Variants in ERI3 observed in about 807,000 individuals in gnomAD.
ERI3 encodes ERI1 exoribonuclease family member 3.
A neutral mutation model predicts 44.4 loss-of-function variants in ERI3; 18 were observed. The observed-to-expected ratio is 0.41, with a 90% confidence interval of 0.28 to 0.60. The LOEUF (loss-of-function observed/expected upper bound fraction) is 0.60. ERI3 is among the 20% of genes least tolerant of loss of function. The pLI is 0.36. For missense variants in ERI3, 294 were observed against 435.5 expected, an observed-to-expected ratio of 0.68 and a Z score of 2.89; for synonymous variants, 183 against 164.8, an observed-to-expected ratio of 1.11 and a Z score of -0.84.
chr1:44,268,271 G>GACTTCACGGT (rs11281522), intron 7 of ERI3, among the ~76,000 whole-genome samples: 2 of 151,900 alleles, frequency 1.3e-5, no homozygotes, highest in African/African-American at 4.8e-5. Context: ...CAACCCATAG[G>GACTTCACGGT]GTGACTGGTG....
intron 3 of ERI3, among the ~76,000 whole-genome samples, chr1:44,330,605 C>A (rs1175467117): frequency 6.6e-6 from 1 of 152,208 alleles, no homozygotes; most frequent in Non-Finnish European, 1.5e-5. Flanking sequence ...CCTGTGCCAG[C>A]CTGTTCACCC....
chr1:44,342,653 G>GT (rs558346904), intron 2 of ERI3, among the ~76,000 whole-genome samples: 11,676 of 143,360 alleles, frequency 0.081, 593 homozygotes, highest in Non-Finnish European at 0.13. Flanking sequence ...TTGCCTTCTT[G>GT]TTTTTTTTTT....
intron 6 of ERI3, among the ~76,000 whole-genome samples, chr1:44,304,185 C>T (rs941158059): frequency 6.6e-5 from 10 of 151,896 alleles, no homozygotes; most frequent in Non-Finnish European, 8.8e-5. Context: ...GCAGGTGTGG[C>T]GTTTAGGTGG....
intron 2 of ERI3, among the ~76,000 whole-genome samples, chr1:44,339,649 T>C (rs1160684262): frequency 1.3e-5 from 2 of 152,146 alleles, no homozygotes; most frequent in African/African-American, 2.4e-5. Context: ...AGAGAAAAAT[T>C]GTGCAGTCAC....
chr1:44,255,765 AG>A (rs1464494866), intron 7 of ERI3, among the ~76,000 whole-genome samples: 1 of 152,172 alleles, frequency 6.6e-6, no homozygotes. Context: ...CTGGTCTACC[AG>A]GCCAGAAATG....
rs367904598 is a variant in ERI3, at chr1:44,333,113, T to C, written c.489+5932A>G. On this transcript the variant is annotated intron_variant, in intron 3 of 8. Transcript: ENST00000372257. ...TAACTCAGCCCCCTCAAGCATTTTG[T>C]GCTCTGCTTATGGTGTTAACTTTAA... Among the ~76,000 whole-genome samples, 91 of 152,332 alleles carry C rather than the reference T, an allele frequency of 6.0e-4. 4 individuals are homozygous for C. In the East Asian group the frequency reaches 9.2e-3, roughly 15 times the overall value.
At chr1:44,259,723 C>CACACACACACACACACAA (rs1394413620) in intron 7 of ERI3, among the ~76,000 whole-genome samples, 2 of 147,478 alleles carry the variant, frequency 1.4e-5, no homozygotes, top group Admixed American at 1.4e-4. Context: ...CACACACACA[C>CACACACACACACACACAA]AAATTAGCCA....
chr1:44,250,300 C>T (rs1644649840), intron 7 of ERI3, among the ~76,000 whole-genome samples: 1 of 152,248 alleles, frequency 6.6e-6, no homozygotes, highest in African/African-American at 2.4e-5. Context: ...GACAGGGCAG[C>T]TCAACGTTAT....
chr1:44,251,971 G>A (rs1243889194), intron 7 of ERI3, among the ~76,000 whole-genome samples: 1 of 152,194 alleles, frequency 6.6e-6, no homozygotes, highest in African/African-American at 2.4e-5. Flanking sequence ...CTCTCCAAGA[G>A]CTTGTGCCCG....
chr1:44,348,291 A>G (rs1646824879), intron 2 of ERI3, among the ~76,000 whole-genome samples: 2 of 152,162 alleles, frequency 1.3e-5, no homozygotes, highest in South Asian at 4.1e-4. Flanking sequence ...TTGGTGCCGG[A>G]ATACCATTAA....
intron 7 of ERI3, among the ~76,000 whole-genome samples, chr1:44,269,040 C>A (rs1224633512): frequency 1.3e-5 from 2 of 152,188 alleles, no homozygotes; most frequent in Non-Finnish European, 2.9e-5. Flanking sequence ...CTTCCCTGGA[C>A]CCTCAACTTC....
chr1:44,352,405 CATAG>C (rs71742610), intron 2 of ERI3, among the ~76,000 whole-genome samples: 12,935 of 147,362 alleles, frequency 0.088, 613 homozygotes, highest in East Asian at 0.14. Flanking sequence ...AGCAAGGTCT[CATAG>C]ATAGATAGAT....
At chr1:44,232,259 G>A (rs1349490239) in intron 8 of ERI3, among the ~76,000 whole-genome samples, 1 of 152,220 alleles carries the variant, frequency 6.6e-6, no homozygotes, top group South Asian at 2.1e-4. Context: ...GAGGCAGGCC[G>A]AAGGACAAAG....
rs373949055 is a variant in ERI3 at position 44,249,207 on chromosome 1, G to GT, written c.832-1170dup. On this transcript the variant is annotated intron_variant, in intron 7 of 8. Transcript: ENST00000372257. ...CAAACACCAGGCTGCCCTTCTACCA[G>GT]TGGCAGGACAGCGTACAGGGCAGTG... Among the ~76,000 whole-genome samples the GT allele has an allele frequency of 3.6e-3, 542 of 152,298 alleles. 1 individual carries two copies. The highest frequency in any genetic ancestry group is 0.012 in the African/African-American group (510 of 41,568).
At chr1:44,276,553 T>C (rs1012713987) in intron 7 of ERI3, among the ~76,000 whole-genome samples, 1 of 152,204 alleles carries the variant, frequency 6.6e-6, no homozygotes, top group Non-Finnish European at 1.5e-5. Flanking sequence ...TGGCCATACC[T>C]TGGAATCTGC....
rs552578557 is a variant in ERI3, at chr1:44,342,389, A to C, written c.212-3067T>G. 2.6e-5 allele frequency among the ~76,000 whole-genome samples: 4 copies of C among 152,278 alleles called. No homozygotes were observed. The South Asian group carries it at 8.3e-4, about 32-fold the overall frequency. ...ACTGATCAAAGAAGTGCATATATTA[A>C]GCATAATGGGACCCAGGTTTCTCAC... is the stretch of plus-strand genomic sequence containing the variant. On this transcript the variant is annotated intron_variant, in intron 2 of 8. Transcript: ENST00000372257.
chr1:44,296,611 A>G (rs758825222), intron 6 of ERI3, among the ~76,000 whole-genome samples: 5 of 152,164 alleles, frequency 3.3e-5, no homozygotes, highest in Non-Finnish European at 7.3e-5. Flanking sequence ...CTAAAACCCA[A>G]AACTACTGGC....
chr1:44,305,196 C>A (rs914240287), intron 6 of ERI3, among the ~76,000 whole-genome samples: 1 of 152,202 alleles, frequency 6.6e-6, no homozygotes. Context: ...GGTTCTCAGC[C>A]GTGCTGTGCT....
chr1:44,354,939 T>C lies in ERI3; in HGVS notation c.88A>G (p.Thr30Ala), dbSNP rs752871766. Residue 30 changes from threonine to alanine, a missense_variant, in exon 1 of 9, where the codon ACT becomes GCT. By Grantham distance (58) the Thr-to-Ala change is moderately conservative. Transcript: ENST00000372257. ...LVSWPPAPPL[T>A]LPWTWMGPSW... ...GGGCCCATCCAAGTCCAGGGGAGAG[T>C]AAGGGGAGGGGCGGGGGGCCAGGAG... 5 of 1,332,492 alleles carry C rather than the reference T, an allele frequency of 3.8e-6. No homozygotes were observed. The highest frequency in any genetic ancestry group is 2.6e-5 in the South Asian group (1 of 37,998). 82.5% of individuals were successfully genotyped at this position (1,332,492 alleles called of 1,614,324 possible).
Sources: gnomAD v4.1 joint callset for allele counts (sites outside exome capture counted in the v4.1 genomes callset) on GRCh38, gnomAD v4.1.1 for gene constraint, MANE v1.5 for transcripts, NCBI Gene and HGNC (gene_info 2026-07-23, HGNC 2026-07-21) for gene names.